The following CPNE3 variants were observed in gnomAD, a reference collection of about 807,000 sequenced individuals.
CPNE3 encodes copine 3.
In CPNE3, 68 loss-of-function variants were observed where a neutral mutation model predicts 63.9. The ratio of observed to expected loss-of-function variants is 1.06; its 90% CI spans 0.87 to 1.30. The LOEUF is 1.30. CPNE3 is among the 50% of genes most tolerant of loss of function. The probability of loss-of-function intolerance (pLI) is 0.00; values close to 1 mark genes in which losing one functional copy is unlikely to be tolerated. For synonymous variants in CPNE3, 219 were observed against 197.5 expected (o/e 1.11, Z -0.91); for missense variants, 665 against 578.1 (o/e 1.15, Z -1.54).
intron 4 of CPNE3, 104 bp downstream of exon 4, chr8:86,529,228 G>A: frequency 1.1e-6 from 1 of 942,172 alleles, no homozygotes; most frequent in South Asian, 1.7e-5. Context: ...TGAAAAACAT[G>A]TAATCACTTT....
At chr8:86,525,721 C>A (rs1468019771) in intron 2 of CPNE3, among the ~76,000 whole-genome samples, 1 of 152,168 alleles carries the variant, frequency 6.6e-6, no homozygotes, top group African/African-American at 2.4e-5. Flanking sequence ...CTGTTGAATT[C>A]TTCCCATCCT....
At chr8:86,543,866 C>A (rs2131474889) in intron 8 of CPNE3, among the ~76,000 whole-genome samples, 1 of 152,226 alleles carries the variant, frequency 6.6e-6, no homozygotes, top group East Asian at 1.9e-4. Flanking sequence ...AGTCAATTTT[C>A]AGCTTCCCTT....
intron 6 of CPNE3, among the ~76,000 whole-genome samples, chr8:86,535,268 T>A (rs772855686): frequency 4.6e-5 from 7 of 152,134 alleles, no homozygotes; most frequent in Non-Finnish European, 1.0e-4. Flanking sequence ...CTGTTGTGGG[T>A]TATTGTCATT....
At chr8:86,535,499 G>A (rs1586837291) in intron 6 of CPNE3, among the ~76,000 whole-genome samples, 1 of 151,782 alleles carries the variant, frequency 6.6e-6, no homozygotes, top group Non-Finnish European at 1.5e-5. Flanking sequence ...GAAACCCTGT[G>A]TCTAGTAAAA....
At chr8:86,514,890 C>G (rs906706756) in intron 1 of CPNE3, among the ~76,000 whole-genome samples, 1 of 152,194 alleles carries the variant, frequency 6.6e-6, no homozygotes, top group Non-Finnish European at 1.5e-5. Flanking sequence ...GCCCTCCTTC[C>G]CTGGGCGGAG....
chr8:86,542,753 T>C (rs1421049872), intron 8 of CPNE3, among the ~76,000 whole-genome samples: 1 of 152,100 alleles, frequency 6.6e-6, no homozygotes, highest in Non-Finnish European at 1.5e-5. Flanking sequence ...TATCTGAACA[T>C]ATGCCAGCAT....
At chr8:86,545,522 T>C (rs909665180) in intron 9 of CPNE3, among the ~76,000 whole-genome samples, 1 of 152,210 alleles carries the variant, frequency 6.6e-6, no homozygotes, top group African/African-American at 2.4e-5. Context: ...ATATAATAAT[T>C]TTTTATTGTT....
chr8:86,539,192 G>A (rs761810240), intron 7 of CPNE3, among the ~76,000 whole-genome samples: 7 of 152,156 alleles, frequency 4.6e-5, no homozygotes, highest in Non-Finnish European at 8.8e-5. Flanking sequence ...ATTCATCCAT[G>A]TTTGACTAGA....
chr8:86,557,120 G>T (rs79929441), intron 16 of CPNE3, among the ~76,000 whole-genome samples: 3 of 151,942 alleles, frequency 2.0e-5, no homozygotes, highest in African/African-American at 7.3e-5. Flanking sequence ...AAACATTTAC[G>T]CATGGGTTTT....
intron 12 of CPNE3, among the ~76,000 whole-genome samples, chr8:86,550,112 G>A (rs1162908457): frequency 1.3e-5 from 2 of 152,236 alleles, no homozygotes; most frequent in Non-Finnish European, 2.9e-5. Context: ...TAATCTTGTA[G>A]TGAGGAAAAC....
In CPNE3 at chr8:86,558,943, C is replaced by T. The variant is rs1355348759; in HGVS notation, c.*533C>T. On this transcript the variant is annotated 3_prime_UTR_variant, in exon 17 of 17. Transcript: ENST00000517490. The stretch of plus-strand genomic sequence containing the variant: ...CTGTCTATGCATCTGATTTTTGCTA[C>T]AGTTTAGACACTGTGGTTTACAAAA... 2 of 153,444 alleles carry T rather than the reference C, an allele frequency of 1.3e-5. No homozygotes were observed. Among genetic ancestry groups the T allele is most frequent in the Admixed American group, 1.3e-4 (2 of 15,554 alleles). The allele number at this position is 153,444 out of a possible 1,614,324, so 9.5% of individuals were successfully genotyped here. A position where few individuals can be genotyped will look rare whatever the true frequency, so the allele number is the denominator to read the frequency against.
chr8:86,545,138 T>C (rs920945218), intron 9 of CPNE3: 1 of 178,106 alleles, frequency 5.6e-6, no homozygotes, highest in African/African-American at 2.4e-5. Flanking sequence ...TTGCCTATTG[T>C]ATCATCGTAT....
At chr8:86,556,914 C>T (rs1267178466) in intron 16 of CPNE3, among the ~76,000 whole-genome samples, 1 of 152,136 alleles carries the variant, frequency 6.6e-6, no homozygotes, top group Non-Finnish European at 1.5e-5. Flanking sequence ...TGGAATCGTA[C>T]AATATACAAC....
intron 10 of CPNE3, 155 bp from the exon 11 acceptor site, chr8:86,547,556 G>T: frequency 1.7e-6 from 1 of 581,986 alleles, no homozygotes; most frequent in Non-Finnish European, 3.0e-6. Flanking sequence ...TGGCACATAG[G>T]GGAAGGGGTA....
At position 86,544,842 on chromosome 8, in the gene CPNE3, A is replaced by C. The variant is rs1480057368; in HGVS notation, c.732+4A>C. 12 of 1,549,878 alleles carry C rather than the reference A, an allele frequency of 7.7e-6. No homozygotes were observed. In the East Asian group the frequency reaches 2.3e-4, roughly 30 times the overall value. On this transcript the variant is annotated splice_donor_region_variant and intron_variant, in intron 9 of 16. Coordinates refer to ENST00000517490, the MANE Select transcript of CPNE3 (RefSeq NM_003909.5). ...AGAAGCCTCCAGAAGCTCACCTGTA[A>C]GTTACATCCTTGCATTTGCATATAC...
At chr8:86,515,871 A>G (rs1312318183) in intron 2 of CPNE3, among the ~76,000 whole-genome samples, 3 of 152,234 alleles carry the variant, frequency 2.0e-5, no homozygotes. Context: ...AGCCAGAGCC[A>G]AACAGAACTT....
intron 2 of CPNE3, chr8:86,524,742 G>A (rs7823154): frequency 0.5 from 72,385 of 145,800 alleles, 18,236 homozygotes; most frequent in African/African-American, 0.59. Flanking sequence ...GCAGTGCATA[G>A]CTTACTGTGG....
intron 11 of CPNE3, 121 bp downstream of exon 11, chr8:86,547,891 A>G (rs1159251257): frequency 1.6e-6 from 1 of 628,896 alleles, no homozygotes; most frequent in African/African-American, 1.8e-5. Context: ...TAGTCCTCTT[A>G]GAGTCCTCAG....
chr8:86,531,126 G>T, intron 4 of CPNE3, 29 bp from the exon 5 acceptor site: 1 of 916,114 alleles, frequency 1.1e-6, no homozygotes, highest in South Asian at 1.3e-5. Context: ...GAAGGGAAAT[G>T]ACTCTGTATC....
Sources: gnomAD v4.1 joint callset for allele counts (sites outside exome capture counted in the v4.1 genomes callset) on GRCh38, gnomAD v4.1.1 for gene constraint, MANE v1.5 for transcripts, NCBI Gene and HGNC (gene_info 2026-07-23, HGNC 2026-07-21) for gene names.